Variants in PNLDC1 observed in about 807,000 individuals in gnomAD.
PNLDC1 encodes the protein PARN like ribonuclease domain containing exonuclease 1.
A neutral mutation model predicts 82.0 loss-of-function variants in PNLDC1; 70 were observed. The observed-to-expected ratio is 0.85, with a 90% confidence interval of 0.70 to 1.04. The LOEUF (loss-of-function observed/expected upper bound fraction) is 1.04. Among genes scored for constraint, PNLDC1 ranks in the 50% least tolerant of loss-of-function variants. The pLI is 0.00. For missense variants in PNLDC1, 631 were observed against 661.1 expected, an observed-to-expected ratio of 0.95 and a Z score of 0.50; for synonymous variants, 280 against 249.3, an observed-to-expected ratio of 1.12 and a Z score of -1.16.
chr6:159,800,406 C>T (rs1318853417), intron 1 of PNLDC1, 23 bp downstream of exon 1: 29 of 1,542,622 alleles, frequency 1.9e-5, no homozygotes, highest in Non-Finnish European at 2.3e-5. Context: ...GGATTCGCGG[C>T]TGTGCCGGAC....
In PNLDC1 at chr6:159,819,167, C is replaced by T; in HGVS notation, c.1433+46C>T. On this transcript the variant is annotated intron_variant, in intron 17 of 18. Transcript: ENST00000392167. The surrounding 1 kb of genome is among the most constrained non-coding windows in gnomAD (Gnocchi z 4.6). ...GTCCCCCACCCCTCGTGCGTTCATC[C>T]CTGTATCTCTCTGACTCCACCCGCC... 1 of 1,610,234 alleles carries T rather than the reference C, an allele frequency of 6.2e-7. No individual in the cohort carries two copies. The highest frequency in any genetic ancestry group is 1.1e-5 in the South Asian group (1 of 90,888).
At chr6:159,813,122 G>C (rs1781697081) in intron 11 of PNLDC1, among the ~76,000 whole-genome samples, 1 of 152,222 alleles carries the variant, frequency 6.6e-6, no homozygotes, top group Non-Finnish European at 1.5e-5. Flanking sequence ...TATCCAGCAA[G>C]GATGCCGCAC....
At chr6:159,803,032 A>G (rs1781319614) in intron 3 of PNLDC1, among the ~76,000 whole-genome samples, 1 of 152,130 alleles carries the variant, frequency 6.6e-6, no homozygotes, top group African/African-American at 2.4e-5. Flanking sequence ...TTTAATATTT[A>G]CTTCTGTATT....
chr6:159,818,227 G>C (rs1781901750), intron 15 of PNLDC1, among the ~76,000 whole-genome samples: 1 of 152,176 alleles, frequency 6.6e-6, no homozygotes, highest in Non-Finnish European at 1.5e-5. Context: ...CTTACCAAGG[G>C]GGGACAGCAT....
chr6:159,818,560 A>T lies in PNLDC1; in HGVS notation c.1163A>T (p.Asp388Val), dbSNP rs144359056. 4.8e-5 allele frequency: 78 copies of T among 1,613,110 alleles called. No homozygotes were observed. The African/African-American group carries it at 7.3e-4, about 15-fold the overall frequency. Residue 388 changes from aspartate to valine, a missense_variant, in exon 16 of 19, where the codon GAC becomes GTC. By Grantham distance (152) the Asp-to-Val change is radical. Coordinates refer to ENST00000392167, the MANE Select transcript of PNLDC1 (RefSeq NM_001271862.2). ...GGGGTTTTCTGTCCTTGCAGCATCGACCCCGTGCCCGAGTCATCCTTTCCT... is the reference window on the plus strand; with the variant it reads ...GGGGTTTTCTGTCCTTGCAGCATCGTCCCCGTGCCCGAGTCATCCTTTCCT... ...HLLLQKIYHI[D>V]PVPESSFPQY...
intron 15 of PNLDC1, among the ~76,000 whole-genome samples, chr6:159,817,871 G>T (rs773537865): frequency 6.6e-6 from 1 of 152,224 alleles, no homozygotes; most frequent in African/African-American, 2.4e-5. Context: ...AGCAGTGGAT[G>T]TTATAAATAC....
intron 2 of PNLDC1, 51 bp from the exon 3 acceptor site, chr6:159,801,062 G>C: frequency 2.5e-6 from 4 of 1,595,206 alleles, no homozygotes; most frequent in Non-Finnish European, 3.4e-6. Flanking sequence ...AGGCCATAGT[G>C]CCGGGATGGG....
chr6:159,805,936 T>G, intron 6 of PNLDC1, 47 bp from the exon 7 acceptor site: 5 of 1,400,206 alleles, frequency 3.6e-6, no homozygotes, highest in Non-Finnish European at 5.1e-6. Context: ...CTTGCGGTTC[T>G]GAAGTGTTTT....
Position 159,813,755 on chromosome 6 carries a change from A to T in PNLDC1, c.995+99A>T, listed in dbSNP as rs369461761. ...CTCTCTAGGCGTGCCCACCATTCAC[A>T]GTGATGCCTGCTTGGGACTTGGTCT... On this transcript the variant is annotated intron_variant, in intron 12 of 18. Coordinates refer to ENST00000392167, the MANE Select transcript of PNLDC1 (RefSeq NM_001271862.2). 4.8e-6 allele frequency: 5 copies of T among 1,050,412 alleles called. No homozygotes were observed. In the African/African-American group the frequency reaches 6.3e-5, roughly 13 times the overall value. 65.1% of individuals were successfully genotyped at this position (1,050,412 alleles called of 1,614,324 possible). A position where few individuals can be genotyped will look rare whatever the true frequency, so the allele number is the denominator to read the frequency against.
rs779288529 is a variant in PNLDC1 at position 159,813,608 on chromosome 6, A to G, written c.947A>G (p.Asn316Ser). 6.2e-7 allele frequency: 1 copy of G among 1,612,962 alleles called. No homozygotes were observed. Among genetic ancestry groups the G allele is most frequent in the Non-Finnish European group, 8.5e-7 (1 of 1,178,956 alleles). The change falls in exon 12 of 19, where the codon AAT becomes AGT. Residue 316 changes from asparagine to serine, a missense_variant. Physicochemically the swap from Asn to Ser is conservative, Grantham distance 46. Coordinates refer to ENST00000392167, the MANE Select transcript of PNLDC1 (RefSeq NM_001271862.2). ...TGTTTTCCATGATTGTAGGAGATGA[A>G]TTTCCCGAGGGTGTCGAATCTTTCG... The part of the protein sequence containing the change: ...SVTKDIWKEM[N>S]FPRVSNLSEV...
At position 159,808,813 on chromosome 6, in the gene PNLDC1, G is replaced by T. The variant is rs1304640249; in HGVS notation, c.636G>T (p.Glu212Asp). Residue 212 changes from glutamate to aspartate, a missense_variant, in exon 8 of 19, where the codon GAG (glutamate) becomes GAT (aspartate). Glu to Asp is a conservative substitution (Grantham distance 45). Transcript: ENST00000392167. The part of the protein sequence containing the change: ...LPNIWTVLKD[E>D]GVVVKKVSKQ... The stretch of plus-strand genomic sequence containing the variant: ...ACATCTGGACGGTGCTGAAAGATGA[G>T]GGGGTGAGTTCTCACTGCGAACGGG... 1 of 1,614,024 alleles carries T rather than the reference G, an allele frequency of 6.2e-7. No individual in the cohort carries two copies. The highest frequency in any genetic ancestry group is 8.5e-7 in the Non-Finnish European group (1 of 1,179,932).
chr6:159,799,473 G>A (rs1219275596), upstream of PNLDC1, among the ~76,000 whole-genome samples: 4 of 151,716 alleles, frequency 2.6e-5, no homozygotes, highest in East Asian at 7.8e-4. Context: ...AAAGTATAAC[G>A]GTAATGTTTT....
chr6:159,808,858 TTC>T lies in PNLDC1; in HGVS notation c.639+49_639+50del, dbSNP rs1267710196. On this transcript the variant is annotated intron_variant, in intron 8 of 18. Transcript: ENST00000392167. ...AACGGGGCATCAGTGGCTCCATTGT[TTC>T]TCTCTCATAATTGGCCAAATCTGGC... is the stretch of plus-strand genomic sequence containing the variant. 11 of 1,603,340 alleles carry T rather than the reference TTC, an allele frequency of 6.9e-6. No homozygotes were observed. The African/African-American group carries it at 1.1e-4, about 16-fold the overall frequency.
At chr6:159,800,994 C>CT in intron 2 of PNLDC1, 119 bp from the exon 3 acceptor site, 1 of 1,449,532 alleles carries the variant, frequency 6.9e-7, no homozygotes, top group East Asian at 2.3e-5. Context: ...GTAGTGCTCC[C>CT]TAGTTGTTGT....
chr6:159,801,422 T>C (rs1781250422), intron 3 of PNLDC1, among the ~76,000 whole-genome samples: 1 of 152,202 alleles, frequency 6.6e-6, no homozygotes, highest in Admixed American at 6.5e-5. Context: ...ACTGTTACTC[T>C]TTCAAGTAAA....
At chr6:159,805,960 C>T (rs375932553) in intron 6 of PNLDC1, 23 bp from the exon 7 acceptor site, 1 of 1,570,930 alleles carries the variant, frequency 6.4e-7, no homozygotes, top group Non-Finnish European at 8.8e-7. Flanking sequence ...CTGACATGTT[C>T]ACTTTCATGC....
Position 159,808,777 on chromosome 6 carries a change from G to T in PNLDC1, c.600G>T (p.Gln200His). 1 of 1,614,106 alleles carries T rather than the reference G, an allele frequency of 6.2e-7. No individual in the cohort carries two copies. Among genetic ancestry groups the T allele is most frequent in the Non-Finnish European group, 8.5e-7 (1 of 1,180,006 alleles). ...QAFEVQLVLR[Q>H]ALPNIWTVLK... ...TTGAGGTCCAACTGGTGCTGAGGCAGGCCCTCCCCAACATCTGGACGGTGC... is the reference window on the plus strand; with the variant it reads ...TTGAGGTCCAACTGGTGCTGAGGCATGCCCTCCCCAACATCTGGACGGTGC... Residue 200 changes from glutamine (Q) to histidine (H), a missense_variant, in exon 8 of 19, where the codon CAG (glutamine) becomes CAT (histidine). Coordinates refer to ENST00000392167, the MANE Select transcript of PNLDC1 (RefSeq NM_001271862.2).
At chr6:159,812,240 C>T (rs1365870443) in intron 11 of PNLDC1, among the ~76,000 whole-genome samples, 2 of 152,174 alleles carry the variant, frequency 1.3e-5, no homozygotes, top group Non-Finnish European at 2.9e-5. Flanking sequence ...GATTGCTTTT[C>T]TCTCTTCAAA....
At chr6:159,813,031 A>G (rs1382286069) in intron 11 of PNLDC1, among the ~76,000 whole-genome samples, 2 of 116,668 alleles carry the variant, frequency 1.7e-5, no homozygotes, top group Non-Finnish European at 4.0e-5. Context: ...CTCAAGGGGA[A>G]AAAAAACAAC....
Sources: allele counts gnomAD v4.1 joint callset (sites outside exome capture counted in the v4.1 genomes callset), GRCh38; gene constraint gnomAD v4.1.1; non-coding constraint Gnocchi (gnomAD v3.1); transcripts MANE v1.5; gene names NCBI Gene and HGNC (gene_info 2026-07-23, HGNC 2026-07-21).